The following LUZP1 variants were observed in gnomAD, a reference collection of about 807,000 sequenced individuals.
The protein encoded by LUZP1 is leucine zipper protein 1.
Under a neutral mutation model 71.3 loss-of-function variants are expected in LUZP1, and 25 were observed. The observed-to-expected ratio is 0.35, with a 90% CI of 0.26 to 0.49. The LOEUF (loss-of-function observed/expected upper bound fraction) is 0.49, where lower values mean the gene tolerates loss of function less well. Ranked by LOEUF, LUZP1 falls within the 20% of genes least tolerant of loss-of-function variation. The pLI, the probability that LUZP1 is intolerant of heterozygous loss-of-function variation, is 0.99. For synonymous variants in LUZP1, 481 were observed against 506.4 expected, an observed-to-expected ratio of 0.95 and a Z score of 0.67; for missense variants, 1,142 against 1,300.8, an observed-to-expected ratio of 0.88 and a Z score of 1.88.
At position 23,094,078 on chromosome 1, in the gene LUZP1, A is replaced by G. The variant is rs1229495102; in HGVS notation, c.184T>C (p.Leu62=). Residue 62 remains leucine (L), a synonymous_variant, in exon 4 of 5, where the codon TTG becomes CTG. Coordinates refer to ENST00000302291, the Ensembl canonical transcript of LUZP1. This position sits in a 1 kb window ranked among gnomAD's most constrained non-coding sequence, Gnocchi z 4.7. ...TGGCGCAGCACTTCAATCTCCGCCA[A>G]CATGCTGGAGTTGCTACCTTCTGCC... is the stretch of plus-strand genomic sequence containing the variant. The G allele has an allele frequency of 1.2e-6, 2 of 1,614,180 alleles. No homozygotes were observed. The highest frequency in any genetic ancestry group is 1.7e-5 in the Admixed American group (1 of 60,020).
chr1:23,117,479 C>G (rs867632713), intron 2 of LUZP1, among the ~76,000 whole-genome samples: 1 of 38,484 alleles, frequency 2.6e-5, no homozygotes, highest in Non-Finnish European at 4.7e-5. Context: ...CTCTCTCTCC[C>G]CCCCCCCCCC....
At chr1:23,097,605 C>CT (rs1356069043) in intron 3 of LUZP1, among the ~76,000 whole-genome samples, 1 of 152,160 alleles carries the variant, frequency 6.6e-6, no homozygotes, top group African/African-American at 2.4e-5. Context: ...AATCCCAGCA[C>CT]TTTGAGAAGC....
chr1:23,135,646 A>T (rs1295361554), intron 2 of LUZP1, among the ~76,000 whole-genome samples: 1 of 152,196 alleles, frequency 6.6e-6, no homozygotes, highest in Non-Finnish European at 1.5e-5. Context: ...ATTGGACCGG[A>T]GTTGCTGTAC....
intron 3 of LUZP1, among the ~76,000 whole-genome samples, chr1:23,103,845 AGG>A (rs1643953078): frequency 1.9e-3 from 6 of 3,168 alleles, no homozygotes; most frequent in African/African-American, 6.9e-3. Flanking sequence ...GGAGAGAGGG[AGG>A]GAGGGAGGGA....
chr1:23,123,318 CCCGTCT>C (rs1644144990), intron 2 of LUZP1, among the ~76,000 whole-genome samples: 2 of 151,930 alleles, frequency 1.3e-5, no homozygotes, highest in Non-Finnish European at 2.9e-5. Context: ...ACAGTGAAAC[CCCGTCT>C]CTACTAAAAA....
At chr1:23,100,044 C>A (rs1425783723) in intron 3 of LUZP1, among the ~76,000 whole-genome samples, 3 of 152,220 alleles carry the variant, frequency 2.0e-5, no homozygotes, top group Non-Finnish European at 4.4e-5. Context: ...CAGGCCAGAT[C>A]TGGGCCTCTC....
intron 2 of LUZP1, among the ~76,000 whole-genome samples, chr1:23,113,920 G>T (rs1644056657): frequency 1.3e-5 from 2 of 151,650 alleles, no homozygotes; most frequent in Admixed American, 1.3e-4. Flanking sequence ...CAAAATGAAG[G>T]GGAAAACAGT....
At chr1:23,116,273 CG>C (rs1357461746) in intron 2 of LUZP1, among the ~76,000 whole-genome samples, 1 of 151,970 alleles carries the variant, frequency 6.6e-6, no homozygotes, top group Non-Finnish European at 1.5e-5. Flanking sequence ...CCCAGCTACT[CG>C]GGTGGCTGAA....
chr1:23,143,416 T>G (rs1644320351), intron 2 of LUZP1, among the ~76,000 whole-genome samples: 1 of 152,172 alleles, frequency 6.6e-6, no homozygotes, highest in South Asian at 2.1e-4. Context: ...GTGGGCAAAA[T>G]ACAACTGGAA....
chr1:23,099,773 G>A (rs1430432868), intron 3 of LUZP1, among the ~76,000 whole-genome samples: 1 of 152,160 alleles, frequency 6.6e-6, no homozygotes, highest in East Asian at 1.9e-4. Context: ...AATACTTACT[G>A]GAAACATACA....
intron 2 of LUZP1, among the ~76,000 whole-genome samples, chr1:23,117,518 G>C (rs1350968604): frequency 1.7e-4 from 12 of 71,940 alleles, no homozygotes; most frequent in African/African-American, 6.8e-4. Flanking sequence ...GGGGGGGGGG[G>C]CGGGGGGGGG....
At chr1:23,148,398 A>C (rs1644358924) in intron 2 of LUZP1, among the ~76,000 whole-genome samples, 1 of 152,194 alleles carries the variant, frequency 6.6e-6, no homozygotes, top group Admixed American at 6.6e-5. Flanking sequence ...GGCATAACTC[A>C]GTACTGTTTC....
chr1:23,165,354 T>A (rs1044788841), intron 2 of LUZP1, among the ~76,000 whole-genome samples: 4 of 149,482 alleles, frequency 2.7e-5, no homozygotes, highest in Non-Finnish European at 3.0e-5. Context: ...TATACCTCAA[T>A]AAAGCTTTTT....
At chr1:23,170,785 A>G (rs112971542) in intron 1 of LUZP1, among the ~76,000 whole-genome samples, 1 of 151,816 alleles carries the variant, frequency 6.6e-6, no homozygotes, top group Non-Finnish European at 1.5e-5. Context: ...TCTTATTTTC[A>G]GTAGTATTAT....
intron 2 of LUZP1, among the ~76,000 whole-genome samples, chr1:23,117,217 GT>G (rs1357040830): frequency 6.6e-6 from 1 of 152,174 alleles, no homozygotes; most frequent in Non-Finnish European, 1.5e-5. Context: ...GGGATTGAAA[GT>G]CAGATTATCT....
intron 3 of LUZP1, among the ~76,000 whole-genome samples, chr1:23,098,841 G>T (rs946200628): frequency 6.6e-6 from 1 of 152,154 alleles, no homozygotes; most frequent in African/African-American, 2.4e-5. Flanking sequence ...TGGAGGAGAC[G>T]CCAAATGCCA....
chr1:23,156,670 T>C (rs1225234815), intron 2 of LUZP1, among the ~76,000 whole-genome samples: 1 of 152,180 alleles, frequency 6.6e-6, no homozygotes, highest in Non-Finnish European at 1.5e-5. Flanking sequence ...TGAAAACAAG[T>C]GCTGTTATTC....
chr1:23,173,573 T>G (rs1644565912), intron 1 of LUZP1, among the ~76,000 whole-genome samples: 3 of 151,992 alleles, frequency 2.0e-5, no homozygotes, highest in Non-Finnish European at 4.4e-5. Context: ...CCCAGGCTGG[T>G]CTCCATCTTC....
chr1:23,168,782 C>A (rs1181033362), exon 2 of LUZP1: 2 of 153,024 alleles, frequency 1.3e-5, no homozygotes, highest in African/African-American at 4.8e-5. Flanking sequence ...GGCCCCGAAC[C>A]GCGCTCCCGC....
Sources: allele counts gnomAD v4.1 joint callset (sites outside exome capture counted in the v4.1 genomes callset), GRCh38; gene constraint gnomAD v4.1.1; non-coding constraint Gnocchi (gnomAD v3.1); transcripts MANE v1.5; gene names NCBI Gene and HGNC (gene_info 2026-07-23, HGNC 2026-07-21).